Variants in TASOR observed in about 807,000 individuals in gnomAD.
TASOR encodes transcription activation suppressor.
In TASOR, 53 loss-of-function variants were observed where a neutral mutation model predicts 178.6. That is an observed-to-expected ratio of 0.30 (90% confidence interval 0.24 to 0.37). The LOEUF (loss-of-function observed/expected upper bound fraction) is 0.37, where lower values mean the gene tolerates loss of function less well. TASOR is among the 10% of genes least tolerant of loss of function. The pLI is 1.00. For synonymous variants in TASOR, 713 were observed against 696.2 expected (o/e 1.02, Z -0.38); for missense variants, 1,815 against 1,971.4 (o/e 0.92, Z 1.50).
At chr3:56,641,786 T>C in intron 14 of TASOR, 34 bp from the exon 15 acceptor site, 1 of 1,555,810 alleles carries the variant, frequency 6.4e-7, no homozygotes, top group African/African-American at 1.4e-5. Flanking sequence ...TGAAGTTAAG[T>C]TTAAAAGCAA....
chr3:56,660,184 A>G (rs1031776795), intron 11 of TASOR, among the ~76,000 whole-genome samples: 1 of 151,900 alleles, frequency 6.6e-6, no homozygotes, highest in African/African-American at 2.4e-5. Context: ...TCTTAATCAC[A>G]AAGTATAATA....
Position 56,637,309 on chromosome 3 carries a change from G to C in TASOR, c.2824+1397C>G, listed in dbSNP as rs145441815. Among the ~76,000 whole-genome samples the C allele has an allele frequency of 9.4e-3, 1,436 of 152,286 alleles. 30 individuals carry two copies. The highest frequency in any genetic ancestry group is 0.032 in the African/African-American group (1,327 of 41,562). On this transcript the variant is annotated intron_variant, in intron 17 of 23. Coordinates refer to ENST00000683822, the MANE Select transcript of TASOR (RefSeq NM_001365635.2). The stretch of plus-strand genomic sequence containing the variant: ...GGCCAGGTTCAGTGGCTCACTTGAG[G>C]TCAGGAGTTCGAGACTAGCCTGGCC...
At chr3:56,637,704 G>A (rs974181994) in intron 17 of TASOR, among the ~76,000 whole-genome samples, 2 of 151,750 alleles carry the variant, frequency 1.3e-5, no homozygotes, top group African/African-American at 4.8e-5. Flanking sequence ...CTACAAAGAT[G>A]TAGTCATTTC....
At chr3:56,681,787 G>C (rs1461192120) in intron 1 of TASOR, among the ~76,000 whole-genome samples, 1 of 152,108 alleles carries the variant, frequency 6.6e-6, no homozygotes, top group Non-Finnish European at 1.5e-5. Context: ...ACCTCCATTA[G>C]GAATTCTGAC....
At chr3:56,665,407 G>T (rs924720438) in intron 7 of TASOR, among the ~76,000 whole-genome samples, 7 of 152,022 alleles carry the variant, frequency 4.6e-5, no homozygotes, top group Non-Finnish European at 8.8e-5. Context: ...CCAGGCTGTA[G>T]TGCAGTGGTG....
intron 4 of TASOR, 112 bp from the exon 5 acceptor site, chr3:56,669,903 C>A (rs1251647804): frequency 1.1e-6 from 1 of 949,256 alleles, no homozygotes; most frequent in African/African-American, 1.7e-5. Context: ...GTTCAAAAAT[C>A]AGAAACAAAA....
At chr3:56,666,152 T>TAAA (rs34101168) in intron 7 of TASOR, 108 bp downstream of exon 7, 33 of 856,210 alleles carry the variant, frequency 3.9e-5, no homozygotes, top group South Asian at 1.4e-4. Context: ...CAAGGGAAGT[T>TAAA]AAAAAAAAAA....
In TASOR at chr3:56,623,003, C is replaced by A; in HGVS notation, c.*34G>T. On this transcript the variant is annotated 3_prime_UTR_variant, in exon 24 of 24. Transcript: ENST00000683822. ...AATATAAATTGTTAATAAACAAAGT[C>A]CACAACAATCTCTTAAAAAAAAAGT... The A allele has an allele frequency of 7.4e-7, 1 of 1,344,210 alleles. No homozygotes were observed. Among genetic ancestry groups the A allele is most frequent in the South Asian group, 1.7e-5 (1 of 59,048 alleles). The allele number at this position is 1,344,210 out of a possible 1,614,324, so 83.3% of individuals were successfully genotyped here.
Position 56,622,423 on chromosome 3 carries a change from G to GA in TASOR, c.*613dup, listed in dbSNP as rs1474078575. On this transcript the variant is annotated 3_prime_UTR_variant, in exon 24 of 24. Coordinates refer to ENST00000683822, the MANE Select transcript of TASOR (RefSeq NM_001365635.2). Reference sequence around the variant, plus strand: ...AAAAATTTAATTTCATTAAATCAAGGATTGCGCAGGTACTGAAAATTATCC... The same window carrying GA: ...AAAAATTTAATTTCATTAAATCAAGGAATTGCGCAGGTACTGAAAATTATCC... 6.6e-6 allele frequency: 1 copy of GA among 152,428 alleles called. No homozygotes were observed. The highest frequency in any genetic ancestry group is 2.4e-5 in the African/African-American group (1 of 41,414). 9.4% of individuals were successfully genotyped at this position (152,428 alleles called of 1,614,324 possible).
At chr3:56,660,703 G>A (rs1197452142) in intron 11 of TASOR, 28 bp downstream of exon 11, 3 of 1,537,940 alleles carry the variant, frequency 2.0e-6, no homozygotes, top group Non-Finnish European at 1.8e-6. Flanking sequence ...AACAAAGAAT[G>A]AGAAACATTA....
intron 15 of TASOR, 134 bp downstream of exon 15, chr3:56,641,215 A>G: frequency 1.3e-6 from 1 of 782,918 alleles, no homozygotes; most frequent in South Asian, 2.1e-5. Context: ...GTACCATCCT[A>G]GACAGGCACC....
chr3:56,654,024 CG>C (rs2077416205), intron 11 of TASOR, among the ~76,000 whole-genome samples: 2 of 152,066 alleles, frequency 1.3e-5, no homozygotes. Context: ...CCCAGCACTA[CG>C]GGAGGCCGAG....
chr3:56,621,364 T>TATATCCA lies in TASOR; in HGVS notation c.*1666_*1672dup, dbSNP rs2076590392. On this transcript the variant is annotated 3_prime_UTR_variant, in exon 24 of 24. Transcript: ENST00000683822. ...CAGAATCTTACAAATGTGATAGCTA[T>TATATCCA]ATATCCAAATGAGGTGGTCTAGTAC... 2.3e-6 allele frequency: 1 copy of TATATCCA among 442,106 alleles called. No individual in the cohort carries two copies. Among genetic ancestry groups the TATATCCA allele is most frequent in the African/African-American group, 2.0e-5 (1 of 49,854 alleles). The allele number at this position is 442,106 out of a possible 1,614,324, so 27.4% of individuals were successfully genotyped here. A position where few individuals can be genotyped will look rare whatever the true frequency, so the allele number is the denominator to read the frequency against.
rs1038337593 is a variant in TASOR, at chr3:56,682,525, G to A, written c.331+151C>T. 19 of 683,796 alleles carry A rather than the reference G, an allele frequency of 2.8e-5. No individual in the cohort carries two copies. The African/African-American group carries it at 3.4e-4, about 12-fold the overall frequency. The allele number at this position is 683,796 out of a possible 1,614,324, so 42.4% of individuals were successfully genotyped here. ...GCTTTCTCTCGCACCAAACGCGGCA[G>A]CTGGGCGGCCGTGGCGGTGAGGGGA... On this transcript the variant is annotated intron_variant, in intron 1 of 23. Transcript: ENST00000683822.
intron 3 of TASOR, among the ~76,000 whole-genome samples, chr3:56,670,940 C>CAAAAAAAAAAAAAAAAA (rs11300845): frequency 9.2e-5 from 5 of 54,186 alleles, no homozygotes; most frequent in African/African-American, 2.9e-4. Context: ...GACTCCATCT[C>CAAAAAAAAAAAAAAAAA]AAAAAAAAAA....
Position 56,647,178 on chromosome 3 carries a change from C to T in TASOR, c.1559G>A (p.Ser520Asn). 3.8e-6 allele frequency: 6 copies of T among 1,581,212 alleles called. No homozygotes were observed. Among genetic ancestry groups the T allele is most frequent in the Non-Finnish European group, 5.1e-6 (6 of 1,170,172 alleles). ...TNAAPQERHE[S>N]MPDVLKIAQF... ...AGCTATTTTTAATACATCTGGCATGCTCTCATGCCTCTCCTGTGGTGCTGC... is the reference window on the plus strand; with the variant it reads ...AGCTATTTTTAATACATCTGGCATGTTCTCATGCCTCTCCTGTGGTGCTGC... The change falls in exon 14 of 24, where the codon AGC becomes AAC. Residue 520 changes from serine (S) to asparagine (N), a missense_variant. This residue lies in a region of TASOR where 504 missense variants were observed against 645.3 expected (regional missense o/e 0.78). Transcript: ENST00000683822.
intron 18 of TASOR, among the ~76,000 whole-genome samples, chr3:56,631,709 G>A (rs1198683272): frequency 2.6e-5 from 4 of 151,082 alleles, no homozygotes; most frequent in Non-Finnish European, 5.9e-5. Flanking sequence ...TCAGCCTCCT[G>A]AGTAGCTGGG....
At chr3:56,665,759 C>T (rs2077696313) in intron 7 of TASOR, among the ~76,000 whole-genome samples, 1 of 152,036 alleles carries the variant, frequency 6.6e-6, no homozygotes, top group Non-Finnish European at 1.5e-5. Context: ...ATCCCGAGGT[C>T]AGGAGATCAA....
rs886681926 is a variant in TASOR, at chr3:56,668,484, G to A, written c.810C>T (p.Asp270=). The change falls in exon 6 of 24, where the codon GAC becomes GAT. Residue 270 remains aspartate (D), a synonymous_variant. Transcript: ENST00000683822. ...CGTGACATTCATGCTTTGGTGTGGG[G>A]TCCAAAGCACTCTTATTTAACATAG... ...LESMLNKSAL[D]PTPKHECHVS... 1.9e-6 allele frequency: 3 copies of A among 1,551,018 alleles called. No individual in the cohort carries two copies. The Admixed American group carries it at 5.9e-5, about 30-fold the overall frequency.
Sources: allele counts gnomAD v4.1 joint callset (sites outside exome capture counted in the v4.1 genomes callset), GRCh38; gene constraint gnomAD v4.1.1; regional missense constraint gnomAD v4.1.1; transcripts MANE v1.5; gene names NCBI Gene and HGNC (gene_info 2026-07-23, HGNC 2026-07-21).